The following PTPN4 variants were observed in gnomAD, a reference collection of about 807,000 sequenced individuals.
PTPN4 encodes the protein protein tyrosine phosphatase non-receptor type 4.
A neutral mutation model predicts 135.5 loss-of-function variants in PTPN4; 49 were observed. That is an observed-to-expected ratio of 0.36 (90% CI 0.29 to 0.46). The LOEUF (loss-of-function observed/expected upper bound fraction) is 0.46, where lower values mean the gene tolerates loss of function less well. Among genes scored for constraint, PTPN4 ranks in the 20% least tolerant of loss-of-function variants. The probability of loss-of-function intolerance (pLI) is 1.00; values close to 1 mark genes in which losing one functional copy is unlikely to be tolerated. For missense variants in PTPN4, 860 were observed against 1,101.0 expected (o/e 0.78, Z 3.10); for synonymous variants, 333 against 369.9 (o/e 0.90, Z 1.14).
rs756846077 is a variant in PTPN4, at chr2:119,862,545, C to A, written c.148C>A (p.Gln50Lys). 1.1e-5 allele frequency: 18 copies of A among 1,600,444 alleles called. No individual in the cohort carries two copies. The highest frequency in any genetic ancestry group is 1.7e-5 in the Admixed American group (1 of 58,800). The stretch of plus-strand genomic sequence containing the variant: ...TTTTTTTTTTTTACAGAAACATGAT[C>A]AGGGGCAAGTCTTGTTGGATGTCGT... The part of the protein sequence containing the change: ...VQAFKVNKHD[Q>K]GQVLLDVVFK... The change falls in exon 3 of 27, where the codon CAG becomes AAG. Residue 50 changes from glutamine (Q) to lysine (K), a missense_variant. Coordinates refer to ENST00000263708, the MANE Select transcript of PTPN4 (RefSeq NM_002830.4).
At chr2:119,880,577 C>T (rs1477426854) in intron 5 of PTPN4, among the ~76,000 whole-genome samples, 1 of 151,746 alleles carries the variant, frequency 6.6e-6, no homozygotes, top group Non-Finnish European at 1.5e-5. Context: ...CTACAGGTGC[C>T]TGCCATCACG....
intron 9 of PTPN4, among the ~76,000 whole-genome samples, chr2:119,890,995 C>G (rs1292870764): frequency 2.0e-5 from 3 of 152,140 alleles, no homozygotes; most frequent in African/African-American, 7.2e-5. Context: ...TGATGAGACA[C>G]TTCTGCTATT....
At chr2:119,964,969 G>A (rs909932556) in intron 24 of PTPN4, among the ~76,000 whole-genome samples, 21 of 152,168 alleles carry the variant, frequency 1.4e-4, no homozygotes, top group African/African-American at 4.6e-4. Flanking sequence ...GCAGGGTACC[G>A]AGCAAGGAGA....
chr2:119,845,055 G>C (rs1030200896), intron 2 of PTPN4, among the ~76,000 whole-genome samples: 6 of 149,170 alleles, frequency 4.0e-5, no homozygotes, highest in Admixed American at 2.7e-4. Flanking sequence ...GCTGGAGACC[G>C]GCCCGGCCAA....
intron 2 of PTPN4, among the ~76,000 whole-genome samples, chr2:119,825,006 G>A (rs1385080504): frequency 6.6e-6 from 1 of 152,126 alleles, no homozygotes; most frequent in African/African-American, 2.4e-5. Flanking sequence ...ACATTTTTAA[G>A]CCATATTAAA....
intron 2 of PTPN4, among the ~76,000 whole-genome samples, chr2:119,815,407 C>A (rs1676969531): frequency 6.6e-6 from 1 of 152,064 alleles, no homozygotes; most frequent in African/African-American, 2.4e-5. Context: ...TTCTCTTGTT[C>A]CAGAAATGTT....
chr2:119,761,785 C>G (rs1005138988), intron 1 of PTPN4, among the ~76,000 whole-genome samples: 1 of 152,082 alleles, frequency 6.6e-6, no homozygotes, highest in Non-Finnish European at 1.5e-5. Flanking sequence ...AAAAATTTGG[C>G]AAGAGGTTTT....
intron 9 of PTPN4, among the ~76,000 whole-genome samples, chr2:119,890,377 T>C (rs899692746): frequency 6.6e-6 from 1 of 152,122 alleles, no homozygotes; most frequent in Non-Finnish European, 1.5e-5. Context: ...TTTTTTTCCA[T>C]CCCTTTATTT....
At chr2:119,785,509 T>C (rs931594907) in intron 1 of PTPN4, among the ~76,000 whole-genome samples, 1 of 152,200 alleles carries the variant, frequency 6.6e-6, no homozygotes, top group Admixed American at 6.5e-5. Context: ...TTGTTAAATA[T>C]ACTGTTATAT....
chr2:119,769,048 G>C (rs1163391567), intron 1 of PTPN4, among the ~76,000 whole-genome samples: 1 of 152,208 alleles, frequency 6.6e-6, no homozygotes, highest in African/African-American at 2.4e-5. Context: ...GGTAGCTGAA[G>C]CAATGGGTGG....
chr2:119,867,880 C>T (rs1677855743), intron 3 of PTPN4, among the ~76,000 whole-genome samples: 1 of 152,178 alleles, frequency 6.6e-6, no homozygotes, highest in African/African-American at 2.4e-5. Context: ...GTTTTACTTC[C>T]TCCTTACAAG....
In PTPN4 at chr2:119,913,868, G is replaced by T. The variant is rs540177621; in HGVS notation, c.765-1311G>T. ...CCAGGCATATAGAAGCCAAAAAAAC[G>T]GTTATGGCTATATTACTGCTATATA... On this transcript the variant is annotated intron_variant, in intron 10 of 26. Transcript: ENST00000263708. Among the ~76,000 whole-genome samples the T allele has an allele frequency of 8.7e-4, 133 of 152,088 alleles. No individual in the cohort carries two copies. In the Middle Eastern group the frequency reaches 0.02, roughly 23 times the overall value.
At chr2:119,950,176 G>A (rs1679192242) in intron 18 of PTPN4, among the ~76,000 whole-genome samples, 1 of 152,040 alleles carries the variant, frequency 6.6e-6, no homozygotes, top group African/African-American at 2.4e-5. Context: ...GTCTGCTATA[G>A]CCCATTATTA....
At position 119,942,891 on chromosome 2, in the gene PTPN4, T is replaced by G. The variant is rs927349090; in HGVS notation, c.1356-2190T>G. Among the ~76,000 whole-genome samples, 6 of 152,298 alleles carry G rather than the reference T, an allele frequency of 3.9e-5. No homozygotes were observed. In the East Asian group the frequency reaches 1.2e-3, roughly 29 times the overall value. On this transcript the variant is annotated intron_variant, in intron 15 of 26. Transcript: ENST00000263708. ...CTTAGAAGCTTGTATTCTTGGCAGTTGAAAGTAACATAAGAACTACCACAT... is the reference window on the plus strand; with the variant it reads ...CTTAGAAGCTTGTATTCTTGGCAGTGGAAAGTAACATAAGAACTACCACAT...
In PTPN4 at chr2:119,967,970, C is replaced by T. The variant is rs773756415; in HGVS notation, c.2692C>T (p.Pro898Ser). 1.3e-6 allele frequency: 2 copies of T among 1,592,452 alleles called. No individual in the cohort carries two copies. Among genetic ancestry groups the T allele is most frequent in the Admixed American group, 1.7e-5 (1 of 58,758 alleles). The change falls in exon 26 of 27, where the codon CCT becomes TCT. Residue 898 changes from proline to serine, a missense_variant and splice_region_variant. Around this residue, in one of 2 missense-constraint regions of PTPN4, gnomAD observed 176 missense variants for 294.1 expected, o/e 0.60. Transcript: ENST00000263708. ...RDQRAMMIQT[P>S]SQYRFVCEAI... ...TCAGCGAGCCATGATGATCCAAACA[C>T]CTGTGAGTACTGTACTTTATATACA...
Position 119,847,332 on chromosome 2 carries a change from T to A in PTPN4, c.139-15204T>A, listed in dbSNP as rs866356585. On this transcript the variant is annotated intron_variant, in intron 2 of 26. Transcript: ENST00000263708. ...CACACACACATATATATATATATTT[T>A]TTTTTTTTTTTTGAGACAGAGTTTT... Among the ~76,000 whole-genome samples, 292 of 125,380 alleles carry A rather than the reference T, an allele frequency of 2.3e-3. 9 individuals are homozygous for A. Among genetic ancestry groups the A allele is most frequent in the Middle Eastern group, 4.0e-3 (1 of 248 alleles). 82.3% of individuals were successfully genotyped at this position (125,380 alleles called of 152,430 possible). A position where few individuals can be genotyped will look rare whatever the true frequency, so the allele number is the denominator to read the frequency against.
At chr2:119,780,773 C>T (rs557735640) in intron 1 of PTPN4, among the ~76,000 whole-genome samples, 2 of 152,110 alleles carry the variant, frequency 1.3e-5, no homozygotes, top group Admixed American at 6.6e-5. Flanking sequence ...GTAAAGATAT[C>T]GTTTCCCCTT....
intron 9 of PTPN4, among the ~76,000 whole-genome samples, chr2:119,891,103 A>T (rs1251326665): frequency 6.6e-6 from 1 of 152,198 alleles, no homozygotes; most frequent in Non-Finnish European, 1.5e-5. Context: ...GGGTACAAGT[A>T]ACATGTAAAT....
At chr2:119,793,169 C>T (rs865784708) in intron 1 of PTPN4, among the ~76,000 whole-genome samples, 2 of 152,216 alleles carry the variant, frequency 1.3e-5, no homozygotes, top group Non-Finnish European at 1.5e-5. Flanking sequence ...TCCTTACCTA[C>T]AACTGCATAA....
Sources: gnomAD v4.1 joint callset for allele counts (sites outside exome capture counted in the v4.1 genomes callset) on GRCh38, gnomAD v4.1.1 for gene constraint, gnomAD v4.1.1 regional missense constraint, MANE v1.5 for transcripts, NCBI Gene and HGNC (gene_info 2026-07-23, HGNC 2026-07-21) for gene names.